Variants in BRD3 observed in about 807,000 individuals in gnomAD.
The protein encoded by BRD3 is bromodomain containing 3.
In BRD3, 17 loss-of-function variants were observed where a neutral mutation model predicts 66.8. That is an observed-to-expected ratio of 0.25 (90% CI 0.17 to 0.38). The LOEUF (loss-of-function observed/expected upper bound fraction) is 0.38. Ranked by LOEUF, BRD3 falls within the 10% of genes least tolerant of loss-of-function variation. The pLI is 1.00. For missense variants in BRD3, 713 were observed against 956.1 expected (o/e 0.75, Z 3.35); for synonymous variants, 421 against 393.2 (o/e 1.07, Z -0.84).
rs1479447280 is a variant in BRD3, at chr9:134,045,314, C to A, written c.1194G>T (p.Val398=). 1 of 1,613,386 alleles carries A rather than the reference C, an allele frequency of 6.2e-7. No homozygotes were observed. Among genetic ancestry groups the A allele is most frequent in the African/African-American group, 1.3e-5 (1 of 74,942 alleles). The change falls in exon 7 of 12, where the codon GTG becomes GTT. Residue 398 remains valine (V), a synonymous_variant. Transcript: ENST00000303407. The surrounding 1 kb of genome is among the most constrained non-coding windows in gnomAD (Gnocchi z 4.8). The part of the protein sequence containing the change: ...YKYNPPDHEV[V]AMARKLQDVF... Reference sequence around the variant, plus strand: ...TTACCTGGAGCTTCCGGGCCATGGCCACAACCTCGTGGTCTGGGGGATTGT... The same window carrying A: ...TTACCTGGAGCTTCCGGGCCATGGCAACAACCTCGTGGTCTGGGGGATTGT...
At chr9:134,066,559 C>G (rs867750964) in intron 1 of BRD3, among the ~76,000 whole-genome samples, 2 of 74,888 alleles carry the variant, frequency 2.7e-5, no homozygotes, top group Non-Finnish European at 5.2e-5. Flanking sequence ...TACATGGACC[C>G]AGGAAAAAAA....
chr9:134,039,376 C>G (rs1165831729), intron 9 of BRD3, among the ~76,000 whole-genome samples: 1 of 152,206 alleles, frequency 6.6e-6, no homozygotes, highest in Admixed American at 6.5e-5. Flanking sequence ...CAACTTTGCC[C>G]TCATTCCCAA....
At chr9:134,036,554 C>T (rs1829921232) in intron 9 of BRD3, 3 of 1,610,526 alleles carry the variant, frequency 1.9e-6, no homozygotes, top group Non-Finnish European at 2.5e-6. Flanking sequence ...CTCTACACCC[C>T]ATAGGCGTCT....
At chr9:134,050,985 C>T (rs1310254608) in intron 4 of BRD3, among the ~76,000 whole-genome samples, 2 of 152,188 alleles carry the variant, frequency 1.3e-5, no homozygotes, top group African/African-American at 2.4e-5. Context: ...ATCTGCAACA[C>T]GCGACGGCCC....
intron 9 of BRD3, 46 bp downstream of exon 9, chr9:134,039,988 G>A (rs199792492): frequency 5.0e-5 from 77 of 1,548,488 alleles, no homozygotes; most frequent in Middle Eastern, 1.7e-4. Context: ...CCCCCATGGC[G>A]TGCTGAGCGC....
intron 1 of BRD3, among the ~76,000 whole-genome samples, chr9:134,063,856 G>A (rs1363997506): frequency 1.3e-5 from 2 of 152,200 alleles, no homozygotes; most frequent in Non-Finnish European, 2.9e-5. Flanking sequence ...GGCGACTCCT[G>A]AACATCACTG....
At position 134,048,036 on chromosome 9, in the gene BRD3, G is replaced by C. The variant is rs1830212238; in HGVS notation, c.1086+47C>G. The C allele has an allele frequency of 4.0e-6, 6 of 1,502,012 alleles. No homozygotes were observed. The East Asian group carries it at 1.2e-4, about 29-fold the overall frequency. 93.0% of individuals were successfully genotyped at this position (1,502,012 alleles called of 1,614,324 possible). On this transcript the variant is annotated intron_variant, in intron 6 of 11. Transcript: ENST00000303407. The stretch of plus-strand genomic sequence containing the variant: ...GCACAAGACATCAGCACCCACGGCA[G>C]AGCCGCAGGACATGGGCAGAGCAGG...
In BRD3 at chr9:134,031,743, G is replaced by C. The variant is rs963351446; in HGVS notation, c.*1847C>G. 9.4e-6 allele frequency: 2 copies of C among 211,814 alleles called. No individual in the cohort carries two copies. Among genetic ancestry groups the C allele is most frequent in the African/African-American group, 4.5e-5 (2 of 44,060 alleles). 13.1% of individuals were successfully genotyped at this position (211,814 alleles called of 1,614,324 possible). On this transcript the variant is annotated 3_prime_UTR_variant, in exon 12 of 12. Transcript: ENST00000303407. The stretch of plus-strand genomic sequence containing the variant: ...TTTATGGTTGTTTTAAAATCACCGT[G>C]TATTAGGATACTAATGATAGTCCCT...
chr9:134,067,367 G>A (rs1830683767), intron 1 of BRD3, among the ~76,000 whole-genome samples: 1 of 151,244 alleles, frequency 6.6e-6, no homozygotes, highest in African/African-American at 2.4e-5. Context: ...CGCCCCGGCC[G>A]CGGCGCGCGG....
At chr9:134,058,882 G>A (rs1272092414) in intron 1 of BRD3, 2 of 152,456 alleles carry the variant, frequency 1.3e-5, no homozygotes, top group African/African-American at 4.8e-5. Context: ...CCAGGAAGGG[G>A]TGGCCTGGGC....
At chr9:134,051,889 GTTTTTT>G (rs886259053) in intron 3 of BRD3, among the ~76,000 whole-genome samples, 180 bp from the exon 4 acceptor site, 2,296 of 58,706 alleles carry the variant, frequency 0.039, 99 homozygotes, top group African/African-American at 0.1. Context: ...TGTTTTTTTT[GTTTTTT>G]TTTTTTTTTT....
intron 2 of BRD3, among the ~76,000 whole-genome samples, 198 bp from the exon 3 acceptor site, chr9:134,052,641 CA>C (rs1012034425): frequency 6.6e-6 from 1 of 152,194 alleles, no homozygotes; most frequent in African/African-American, 2.4e-5. Flanking sequence ...AACCTCTCTC[CA>C]GACCCCAAGC....
At chr9:134,067,051 G>A (rs1564563659) in intron 1 of BRD3, among the ~76,000 whole-genome samples, 1 of 152,192 alleles carries the variant, frequency 6.6e-6, no homozygotes, top group Non-Finnish European at 1.5e-5. Context: ...TTCACAGAGA[G>A]CCCACCAGGG....
At chr9:134,065,408 T>C (rs1380285536) in intron 1 of BRD3, among the ~76,000 whole-genome samples, 1 of 142,320 alleles carries the variant, frequency 7.0e-6, no homozygotes, top group Non-Finnish European at 1.5e-5. Context: ...TGGGCAACAA[T>C]GCGAGACTCC....
At position 134,058,861 on chromosome 9, in the gene BRD3, C is replaced by G. The variant is rs1025249896; in HGVS notation, c.-113-5271G>C. Reference sequence around the variant, plus strand: ...GTGGGCGGCTGGCCGAAGAGGGCTCCATTTTATAGTCCAGGAAGGGGTGGC... The same window carrying G: ...GTGGGCGGCTGGCCGAAGAGGGCTCGATTTTATAGTCCAGGAAGGGGTGGC... On this transcript the variant is annotated intron_variant, in intron 1 of 11. Transcript: ENST00000303407. 15 of 152,310 alleles carry G rather than the reference C, an allele frequency of 9.8e-5. 1 individual carries two copies. The highest frequency in any genetic ancestry group is 5.2e-4 in the Admixed American group (8 of 15,290). 9.4% of individuals were successfully genotyped at this position (152,310 alleles called of 1,614,324 possible). A position where few individuals can be genotyped will look rare whatever the true frequency, so the allele number is the denominator to read the frequency against.
chr9:134,053,125 C>A, intron 2 of BRD3, 140 bp downstream of exon 2: 2 of 953,956 alleles, frequency 2.1e-6, no homozygotes, highest in South Asian at 3.0e-5. Context: ...GTGCTGTGGA[C>A]TTCCTGAGGC....
intron 1 of BRD3, among the ~76,000 whole-genome samples, chr9:134,064,368 A>C (rs554837557): frequency 3.0e-4 from 38 of 128,592 alleles, no homozygotes; most frequent in African/African-American, 1.1e-3. Flanking sequence ...TCTTTACTAA[A>C]AAATTAAAAA....
chr9:134,055,876 G>A (rs1301360898), intron 1 of BRD3: 1 of 152,414 alleles, frequency 6.6e-6, no homozygotes, highest in African/African-American at 2.4e-5. Flanking sequence ...TCAACATGGG[G>A]GCCTGCTTAT....
rs1253340796 is a variant in BRD3, at chr9:134,033,807, C to T, written c.2066-102G>A. 8 of 610,842 alleles carry T rather than the reference C, an allele frequency of 1.3e-5. 1 individual carries two copies. The highest frequency in any genetic ancestry group is 5.6e-5 in the South Asian group (3 of 53,466). The allele number at this position is 610,842 out of a possible 1,614,324, so 37.8% of individuals were successfully genotyped here. A position where few individuals can be genotyped will look rare whatever the true frequency, so the allele number is the denominator to read the frequency against. ...CGTGACACCATCACACTGGGTGCCACGACCCACCCACTTCCTGACCCAGTC... is the reference window on the plus strand; with the variant it reads ...CGTGACACCATCACACTGGGTGCCATGACCCACCCACTTCCTGACCCAGTC... On this transcript the variant is annotated intron_variant, in intron 11 of 11. Transcript: ENST00000303407. The surrounding 1 kb of genome is among the most constrained non-coding windows in gnomAD (Gnocchi z 5.1).
Sources: gnomAD v4.1 joint callset for allele counts (sites outside exome capture counted in the v4.1 genomes callset) on GRCh38, gnomAD v4.1.1 for gene constraint, Gnocchi (gnomAD v3.1) non-coding constraint, MANE v1.5 for transcripts, NCBI Gene and HGNC (gene_info 2026-07-23, HGNC 2026-07-21) for gene names.